Variants in ACAA2 observed in about 807,000 individuals in gnomAD.
The protein encoded by ACAA2 is 3-ketoacyl-CoA thiolase, mitochondrial.
In ACAA2, 35 loss-of-function variants were observed where a neutral mutation model predicts 44.8. That is an observed-to-expected ratio of 0.78 (90% CI 0.60 to 1.04). The LOEUF (loss-of-function observed/expected upper bound fraction) is 1.04. Among genes scored for constraint, ACAA2 ranks in the 50% least tolerant of loss-of-function variants. The pLI is 0.00. For missense variants in ACAA2, 468 were observed against 482.6 expected, an observed-to-expected ratio of 0.97 and a Z score of 0.28; for synonymous variants, 142 against 166.5, an observed-to-expected ratio of 0.85 and a Z score of 1.13.
intron 2 of ACAA2, among the ~76,000 whole-genome samples, chr18:49,802,312 C>T (rs368638876): frequency 6.6e-6 from 1 of 152,118 alleles, no homozygotes; most frequent in Non-Finnish European, 1.5e-5. Context: ...GCCTGTCATC[C>T]CAGCACTTTG....
chr18:49,813,440 CGA>C (rs2023695154), intron 1 of ACAA2, 27 bp downstream of exon 1: 1 of 1,238,798 alleles, frequency 8.1e-7, no homozygotes, highest in South Asian at 4.1e-5. Context: ...CCCCGAGGGG[CGA>C]GGAGAGGAGG....
intron 8 of ACAA2, 24 bp downstream of exon 8, chr18:49,787,260 TAAAAAAA>T (rs35932656): frequency 3.9e-4 from 402 of 1,028,024 alleles, no homozygotes; most frequent in Non-Finnish European, 4.8e-4. Flanking sequence ...TTCATGTTGT[TAAAAAAA>T]AAAAAAAAAA....
chr18:49,784,911 C>T (rs2023309602), intron 9 of ACAA2, among the ~76,000 whole-genome samples: 1 of 152,140 alleles, frequency 6.6e-6, no homozygotes, highest in South Asian at 2.1e-4. Flanking sequence ...AGCAGGGCCT[C>T]ATTATCTGCT....
At chr18:49,807,514 A>G (rs887573989) in intron 1 of ACAA2, among the ~76,000 whole-genome samples, 1 of 152,200 alleles carries the variant, frequency 6.6e-6, no homozygotes, top group Non-Finnish European at 1.5e-5. Context: ...ATGAAGGGAA[A>G]ACTTAGGTTG....
At chr18:49,809,634 A>G (rs964573303) in intron 1 of ACAA2, among the ~76,000 whole-genome samples, 3 of 152,254 alleles carry the variant, frequency 2.0e-5, no homozygotes, top group Non-Finnish European at 4.4e-5. Context: ...GAAAGGCCAT[A>G]TACTGTATGA....
chr18:49,804,377 A>T (rs2023589938), intron 1 of ACAA2, among the ~76,000 whole-genome samples: 1 of 152,208 alleles, frequency 6.6e-6, no homozygotes, highest in African/African-American at 2.4e-5. Flanking sequence ...ACAGACTTCA[A>T]ATAAATAACC....
chr18:49,791,863 A>T (rs1013106626), intron 6 of ACAA2, among the ~76,000 whole-genome samples: 26 of 152,098 alleles, frequency 1.7e-4, no homozygotes, highest in African/African-American at 5.8e-4. Flanking sequence ...AATACGATAA[A>T]CTGTATGCAT....
intron 4 of ACAA2, 60 bp downstream of exon 4, chr18:49,795,705 T>C (rs920593099): frequency 7.7e-6 from 8 of 1,034,082 alleles, no homozygotes; most frequent in Admixed American, 2.8e-5. Context: ...AGGTATGTTA[T>C]TAAAAGTACT....
chr18:49,794,250 T>C (rs1265933085), intron 5 of ACAA2, 30 bp downstream of exon 5: 4 of 1,547,018 alleles, frequency 2.6e-6, no homozygotes, highest in East Asian at 2.3e-5. Flanking sequence ...ATTTATTCTA[T>C]AGATACTGAT....
chr18:49,794,255 A>G (rs1248070081), intron 5 of ACAA2, 25 bp downstream of exon 5: 6 of 1,569,722 alleles, frequency 3.8e-6, no homozygotes, highest in Non-Finnish European at 5.2e-6. Flanking sequence ...TTCTATAGAT[A>G]CTGATACTTT....
At chr18:49,800,338 T>C (rs867282411) in intron 2 of ACAA2, among the ~76,000 whole-genome samples, 2,376 of 134,078 alleles carry the variant, frequency 0.018, 77 homozygotes, top group African/African-American at 0.059. Flanking sequence ...TCTGCCCGGC[T>C]GCCCCTACTG....
At chr18:49,812,785 A>C (rs1488032892) in intron 1 of ACAA2, 1 of 152,174 alleles carries the variant, frequency 6.6e-6, no homozygotes, top group Non-Finnish European at 1.5e-5. Context: ...GATCCTGCCA[A>C]GCTTTTTCCT....
intron 7 of ACAA2, among the ~76,000 whole-genome samples, chr18:49,790,944 G>C (rs2143953047): frequency 6.6e-6 from 1 of 152,314 alleles, no homozygotes; most frequent in East Asian, 1.9e-4. Context: ...CACCCTGGCT[G>C]TCACTTACTG....
intron 1 of ACAA2, among the ~76,000 whole-genome samples, chr18:49,807,437 C>A (rs138649046): frequency 3.9e-5 from 6 of 152,170 alleles, no homozygotes; most frequent in Middle Eastern, 3.4e-3. Context: ...TTAGAACATA[C>A]GAGAAAAATC....
chr18:49,797,553 C>T lies in ACAA2; in HGVS notation c.225G>A (p.Leu75=). ...DAIYLARHVG[L]RVGIPKETPA... ...GGGTCTCCTTTGGGATTCCCACACG[C>T]AAACCAACATGCCTTGCCAAATATA... is the stretch of plus-strand genomic sequence containing the variant. Residue 75 remains leucine, a synonymous_variant, in exon 3 of 10, where the codon TTG becomes TTA. Coordinates refer to ENST00000285093, the MANE Select transcript of ACAA2 (RefSeq NM_006111.3). 1 of 1,612,054 alleles carries T rather than the reference C, an allele frequency of 6.2e-7. No individual in the cohort carries two copies. Among genetic ancestry groups the T allele is most frequent in the Non-Finnish European group, 8.5e-7 (1 of 1,179,384 alleles).
Position 49,812,247 on chromosome 18 carries a change from T to G in ACAA2, c.16+1222A>C, listed in dbSNP as rs565076241. Among the ~76,000 whole-genome samples the G allele has an allele frequency of 5.1e-4, 78 of 152,318 alleles. 1 individual carries two copies. The highest frequency in any genetic ancestry group is 1.4e-3 in the Admixed American group (22 of 15,300). On this transcript the variant is annotated intron_variant, in intron 1 of 9. Transcript: ENST00000285093. ...CCCATGCCACTTTGGTTCTTCTCAC[T>G]TTCAGATCCCCCTAACCAATGCTTA... is the stretch of plus-strand genomic sequence containing the variant.
chr18:49,799,999 T>C (rs1260771999), intron 2 of ACAA2, among the ~76,000 whole-genome samples: 1 of 147,498 alleles, frequency 6.8e-6, no homozygotes, highest in Non-Finnish European at 1.5e-5. Context: ...ATCTGAGAAG[T>C]GAGGAGCCCC....
intron 8 of ACAA2, among the ~76,000 whole-genome samples, chr18:49,786,882 A>G (rs2023336500): frequency 6.6e-6 from 1 of 152,212 alleles, no homozygotes; most frequent in Non-Finnish European, 1.5e-5. Context: ...AGGGGGCTCT[A>G]TCTGGCGAGA....
Position 49,785,245 on chromosome 18 carries a change from A to G in ACAA2, c.1061T>C (p.Leu354Pro). 6.2e-7 allele frequency: 1 copy of G among 1,614,196 alleles called. No homozygotes were observed. Among genetic ancestry groups the G allele is most frequent in the Non-Finnish European group, 8.5e-7 (1 of 1,180,028 alleles). Residue 354 changes from leucine to proline, a missense_variant, in exon 9 of 10, where the codon CTG (leucine) becomes CCG (proline). Coordinates refer to ENST00000285093, the MANE Select transcript of ACAA2 (RefSeq NM_006111.3). ...AGTAATTCTTGATCCAGATCCTCCC[A>G]GTGGGTGACCCAAAGCAATGGCTCC... is the stretch of plus-strand genomic sequence containing the variant. The part of the protein sequence containing the change: ...NGGAIALGHP[L>P]GGSGSRITAH...
Sources: allele counts gnomAD v4.1 joint callset (sites outside exome capture counted in the v4.1 genomes callset), GRCh38; gene constraint gnomAD v4.1.1; transcripts MANE v1.5; gene names NCBI Gene and HGNC (gene_info 2026-07-23, HGNC 2026-07-21).